Variants in LRRC28 observed in about 807,000 individuals in gnomAD.
The protein encoded by LRRC28 is leucine rich repeat containing 28.
Under a neutral mutation model 45.7 loss-of-function variants are expected in LRRC28, and 39 were observed. The observed-to-expected ratio is 0.85, with a 90% CI of 0.66 to 1.12. The LOEUF (loss-of-function observed/expected upper bound fraction) is 1.12, where lower values mean the gene tolerates loss of function less well. LRRC28 is among the 50% of genes most tolerant of loss of function. LRRC28 has a pLI of 0.00. For missense variants in LRRC28, 435 were observed against 438.5 expected (o/e 0.99, Z 0.07); for synonymous variants, 206 against 178.8 (o/e 1.15, Z -1.22).
At chr15:99,285,441 C>T (rs1006300022) in intron 3 of LRRC28, 2 of 805,938 alleles carry the variant, frequency 2.5e-6, no homozygotes, top group African/African-American at 3.4e-5. Context: ...TGGGATCTCC[C>T]ATGACCACAC....
At chr15:99,278,058 A>C (rs564559131) in intron 3 of LRRC28, among the ~76,000 whole-genome samples, 5 of 152,248 alleles carry the variant, frequency 3.3e-5, no homozygotes, top group Admixed American at 2.6e-4. Flanking sequence ...TGTTTCAATT[A>C]GTTTTCATGA....
intron 9 of LRRC28, among the ~76,000 whole-genome samples, chr15:99,383,969 C>G (rs1957907708): frequency 6.6e-6 from 1 of 152,294 alleles, no homozygotes; most frequent in Non-Finnish European, 1.5e-5. Context: ...TGGCCTGATC[C>G]AATCTTACAT....
In LRRC28 at chr15:99,387,996, CT is replaced by C. The variant is rs1202499741; in HGVS notation, c.*1896del. ...GTGTTCCCACTGTATCTGCACTGTT[CT>C]TACTTCCTCTTGTCCCTTTTCATAT... On this transcript the variant is annotated 3_prime_UTR_variant, in exon 10 of 10. Transcript: ENST00000301981. 6.6e-6 allele frequency: 1 copy of C among 152,210 alleles called. No individual in the cohort carries two copies. The highest frequency in any genetic ancestry group is 1.9e-4 in the East Asian group (1 of 5,200). The allele number at this position is 152,210 out of a possible 1,614,324, so 9.4% of individuals were successfully genotyped here.
chr15:99,331,865 T>C (rs1956169991), intron 5 of LRRC28: 1 of 152,254 alleles, frequency 6.6e-6, no homozygotes. Flanking sequence ...ATTTTCTTTG[T>C]GCCTTATTCA....
intron 9 of LRRC28, among the ~76,000 whole-genome samples, chr15:99,382,694 C>T (rs746826138): frequency 5.3e-5 from 8 of 152,020 alleles, no homozygotes; most frequent in Non-Finnish European, 8.8e-5. Context: ...GTTTATGGCT[C>T]TAGCAGCTCT....
At chr15:99,352,759 G>A (rs1439092771) in intron 7 of LRRC28, among the ~76,000 whole-genome samples, 3 of 152,060 alleles carry the variant, frequency 2.0e-5, no homozygotes, top group Non-Finnish European at 4.4e-5. Context: ...AAATAAAATT[G>A]TAATTATTTA....
Position 99,363,187 on chromosome 15 carries a change from G to A in LRRC28, c.953G>A (p.Cys318Tyr), listed in dbSNP as rs776480738. Reference protein sequence around the residue: ...LHCPLGHCHRCSEPMFTIVYP... With the variant: ...LHCPLGHCHRYSEPMFTIVYP... ...TGCCCTCTGGGGCACTGTCATCGGTGTAGTGAGCCTATGTTTACCATCGTC... is the reference window on the plus strand; with the variant it reads ...TGCCCTCTGGGGCACTGTCATCGGTATAGTGAGCCTATGTTTACCATCGTC... The change falls in exon 9 of 10, where the codon TGT becomes TAT. Residue 318 changes from cysteine to tyrosine, a missense_variant. By Grantham distance (194) the Cys-to-Tyr change is radical (BLOSUM62 -2). Coordinates refer to ENST00000301981, the MANE Select transcript of LRRC28 (RefSeq NM_144598.5). The A allele has an allele frequency of 3.7e-6, 6 of 1,613,968 alleles. No individual in the cohort carries two copies. In the African/African-American group the frequency reaches 6.7e-5, roughly 18 times the overall value.
chr15:99,344,964 A>C (rs1956632415), intron 6 of LRRC28, among the ~76,000 whole-genome samples: 1 of 152,206 alleles, frequency 6.6e-6, no homozygotes, highest in Admixed American at 6.5e-5. Flanking sequence ...TTCTCTCTTA[A>C]CTGGCCTTCT....
chr15:99,317,168 C>T (rs565203946), intron 5 of LRRC28, among the ~76,000 whole-genome samples: 1 of 152,186 alleles, frequency 6.6e-6, no homozygotes, highest in South Asian at 2.1e-4. Flanking sequence ...GAGCAGGGTC[C>T]AAAATAATTC....
At chr15:99,348,078 T>C (rs1008199570) in intron 6 of LRRC28, among the ~76,000 whole-genome samples, 1 of 152,206 alleles carries the variant, frequency 6.6e-6, no homozygotes, top group Non-Finnish European at 1.5e-5. Context: ...ATATGTTCTT[T>C]GGAAAAATGT....
chr15:99,256,550 T>C (rs1362951243), intron 2 of LRRC28, among the ~76,000 whole-genome samples: 1 of 152,150 alleles, frequency 6.6e-6, no homozygotes, highest in Non-Finnish European at 1.5e-5. Flanking sequence ...AAAGGGAGAA[T>C]GATTTGAAAA....
chr15:99,347,500 T>TA (rs34737609), intron 6 of LRRC28, among the ~76,000 whole-genome samples: 216 of 152,270 alleles, frequency 1.4e-3, no homozygotes, highest in Non-Finnish European at 2.5e-3. Flanking sequence ...GAGCTCTTTT[T>TA]AAAAAAATAC....
intron 9 of LRRC28, among the ~76,000 whole-genome samples, chr15:99,370,551 T>G (rs1957457187): frequency 6.6e-6 from 1 of 152,080 alleles, no homozygotes; most frequent in South Asian, 2.1e-4. Context: ...CTCCATATAC[T>G]TGGGATATAA....
chr15:99,259,280 T>A, intron 2 of LRRC28: 1 of 1,092,160 alleles, frequency 9.2e-7, no homozygotes, highest in Non-Finnish European at 1.4e-6. Context: ...TCCATTTGTT[T>A]AGCGACTTCT....
At chr15:99,379,628 A>T (rs886661561) in intron 9 of LRRC28, among the ~76,000 whole-genome samples, 1 of 151,962 alleles carries the variant, frequency 6.6e-6, no homozygotes, top group Non-Finnish European at 1.5e-5. Flanking sequence ...TTTAATTGTG[A>T]TGTTAGGGTG....
At chr15:99,351,095 C>A (rs1393737105) in intron 6 of LRRC28, among the ~76,000 whole-genome samples, 2 of 152,114 alleles carry the variant, frequency 1.3e-5, no homozygotes, top group Non-Finnish European at 2.9e-5. Flanking sequence ...CACCACCACC[C>A]CCCACCCCTG....
At chr15:99,363,347 C>A in intron 9 of LRRC28, 82 bp downstream of exon 9, 1 of 1,478,100 alleles carries the variant, frequency 6.8e-7, no homozygotes, top group South Asian at 1.3e-5. Context: ...TGCATGAAAG[C>A]ATTAAGTCAG....
chr15:99,280,380 C>T (rs1183478901), intron 3 of LRRC28, among the ~76,000 whole-genome samples: 1 of 151,814 alleles, frequency 6.6e-6, no homozygotes, highest in Non-Finnish European at 1.5e-5. Context: ...AGCCCTAGGT[C>T]CCAAAGACTC....
chr15:99,371,653 AT>A (rs1384478497), intron 9 of LRRC28, among the ~76,000 whole-genome samples: 1 of 151,988 alleles, frequency 6.6e-6, no homozygotes, highest in Non-Finnish European at 1.5e-5. Flanking sequence ...TTGCATACTC[AT>A]TTTGGGGATT....
Sources: gnomAD v4.1 joint callset for allele counts (sites outside exome capture counted in the v4.1 genomes callset) on GRCh38, gnomAD v4.1.1 for gene constraint, MANE v1.5 for transcripts, NCBI Gene and HGNC (gene_info 2026-07-23, HGNC 2026-07-21) for gene names.